Variants in DOCK3 observed in about 807,000 individuals in gnomAD.
DOCK3 encodes the protein dedicator of cytokinesis 3, also known as dedicator of cytokinesis protein 3.
DOCK3 carries 60 observed loss-of-function variants against 265.6 expected under a neutral mutation model. That is an observed-to-expected ratio of 0.23 (90% CI 0.18 to 0.28). The LOEUF is 0.28. DOCK3 is among the 10% of genes least tolerant of loss of function. The probability of loss-of-function intolerance (pLI) is 1.00; values close to 1 mark genes in which losing one functional copy is unlikely to be tolerated. For synonymous variants in DOCK3, 881 were observed against 938.0 expected (o/e 0.94, Z 1.11); for missense variants, 1,981 against 2,594.3 (o/e 0.76, Z 5.14).
intron 5 of DOCK3, among the ~76,000 whole-genome samples, chr3:50,945,762 G>T (rs2076409710): frequency 6.6e-6 from 1 of 152,092 alleles, no homozygotes; most frequent in African/African-American, 2.4e-5. Flanking sequence ...ATGTATAAGA[G>T]GAATTTAGGG....
chr3:51,309,990 G>A (rs1398504900), intron 27 of DOCK3, among the ~76,000 whole-genome samples: 1 of 152,170 alleles, frequency 6.6e-6, no homozygotes, highest in Non-Finnish European at 1.5e-5. Flanking sequence ...AGCTGCTTTG[G>A]GCACTGTGGG....
intron 27 of DOCK3, among the ~76,000 whole-genome samples, chr3:51,280,780 G>A (rs578147253): frequency 5.2e-4 from 79 of 152,128 alleles, no homozygotes; most frequent in Non-Finnish European, 1.0e-3. Context: ...TGTAGTCCTA[G>A]CTACTCTTGA....
intron 1 of DOCK3, among the ~76,000 whole-genome samples, chr3:50,723,052 C>G (rs575215540): frequency 3.3e-5 from 5 of 152,112 alleles, no homozygotes; most frequent in African/African-American, 1.2e-4. Flanking sequence ...GGAATACAGA[C>G]GTGGACCACC....
intron 23 of DOCK3, among the ~76,000 whole-genome samples, chr3:51,262,297 A>T (rs1171274957): frequency 6.6e-6 from 1 of 152,192 alleles, no homozygotes; most frequent in African/African-American, 2.4e-5. Context: ...ACCTCCAGCA[A>T]ACCCCAGCAG....
At chr3:50,702,996 A>G (rs755356659) in intron 1 of DOCK3, among the ~76,000 whole-genome samples, 6 of 151,984 alleles carry the variant, frequency 3.9e-5, no homozygotes, top group Non-Finnish European at 7.4e-5. Flanking sequence ...GGTGGCTTTT[A>G]TTATGTTGAG....
At chr3:51,247,843 T>A (rs2078912703) in intron 22 of DOCK3, among the ~76,000 whole-genome samples, 1 of 152,182 alleles carries the variant, frequency 6.6e-6, no homozygotes, top group Non-Finnish European at 1.5e-5. Context: ...GGCAGGGTGC[T>A]GAGGCATGTG....
intron 5 of DOCK3, among the ~76,000 whole-genome samples, chr3:50,949,663 T>C (rs2076538077): frequency 6.6e-6 from 1 of 152,186 alleles, no homozygotes; most frequent in South Asian, 2.1e-4. Flanking sequence ...ATTTATCTTA[T>C]GGTTTGGGAA....
chr3:51,337,336 C>T (rs937424666), intron 35 of DOCK3, among the ~76,000 whole-genome samples: 5 of 152,154 alleles, frequency 3.3e-5, no homozygotes, highest in Admixed American at 2.0e-4. Context: ...GTCAAATGAC[C>T]ATCCAGAGGC....
intron 5 of DOCK3, among the ~76,000 whole-genome samples, chr3:50,997,194 C>T (rs35481031): frequency 0.095 from 14,503 of 152,188 alleles, 865 homozygotes; most frequent in Non-Finnish European, 0.12. Flanking sequence ...CGTACAAATA[C>T]ATTTGTTTAT....
chr3:51,305,727 TGTGTGC>T (rs1553847744), intron 27 of DOCK3, among the ~76,000 whole-genome samples: 2 of 44,654 alleles, frequency 4.5e-5, no homozygotes. Flanking sequence ...TGTGTGTGTG[TGTGTGC>T]GCGTGTGTGT....
chr3:50,934,614 G>A (rs922128363), intron 5 of DOCK3, among the ~76,000 whole-genome samples: 2 of 152,070 alleles, frequency 1.3e-5, no homozygotes, highest in Non-Finnish European at 2.9e-5. Flanking sequence ...ACTGCTTAAG[G>A]CCAGGAGTTT....
chr3:50,782,568 A>AT (rs1291605415), intron 2 of DOCK3, among the ~76,000 whole-genome samples: 5 of 112,708 alleles, frequency 4.4e-5, no homozygotes, highest in African/African-American at 1.7e-4. Flanking sequence ...GGGACCTGTT[A>AT]TTTTTTGAGT....
At chr3:50,740,555 T>A (rs2038950681) in intron 1 of DOCK3, among the ~76,000 whole-genome samples, 1 of 152,194 alleles carries the variant, frequency 6.6e-6, no homozygotes, top group Non-Finnish European at 1.5e-5. Flanking sequence ...TTTTTAATTT[T>A]AGCAGTCTAT....
intron 2 of DOCK3, among the ~76,000 whole-genome samples, chr3:50,802,611 G>A (rs574286374): frequency 6.6e-6 from 1 of 151,582 alleles, no homozygotes; most frequent in South Asian, 2.1e-4. Flanking sequence ...ACTCTCTATT[G>A]GCCTGTAAGT....
chr3:51,064,012 G>A (rs1292610191), intron 5 of DOCK3, among the ~76,000 whole-genome samples: 3 of 152,156 alleles, frequency 2.0e-5, no homozygotes, highest in African/African-American at 7.2e-5. Context: ...TCAAAATAGG[G>A]CAAATGATTC....
At chr3:50,714,508 T>G (rs542953733) in intron 1 of DOCK3, among the ~76,000 whole-genome samples, 1 of 152,176 alleles carries the variant, frequency 6.6e-6, no homozygotes, top group Non-Finnish European at 1.5e-5. Flanking sequence ...TTGGATAGGA[T>G]CTTGTTCTGT....
At chr3:50,863,413 T>A (rs2047003384) in intron 3 of DOCK3, 1 of 519,858 alleles carries the variant, frequency 1.9e-6, no homozygotes, top group South Asian at 1.4e-5. Context: ...AGCTCTGGGT[T>A]ACAAGGGCAG....
At chr3:50,682,895 C>T (rs1329363863) in intron 1 of DOCK3, among the ~76,000 whole-genome samples, 12 of 152,348 alleles carry the variant, frequency 7.9e-5, no homozygotes, top group East Asian at 1.9e-4. Flanking sequence ...GCTGAGATCG[C>T]GCCATTGCGC....
chr3:50,752,188 T>C (rs2039862101), intron 1 of DOCK3, among the ~76,000 whole-genome samples: 1 of 152,134 alleles, frequency 6.6e-6, no homozygotes, highest in African/African-American at 2.4e-5. Context: ...TTAGGTAATT[T>C]AAAAACATTC....
Sources: allele counts gnomAD v4.1 joint callset (sites outside exome capture counted in the v4.1 genomes callset), GRCh38; gene constraint gnomAD v4.1.1; transcripts MANE v1.5; gene names NCBI Gene and HGNC (gene_info 2026-07-23, HGNC 2026-07-21).